The following STK10 variants were observed in gnomAD, a reference collection of about 807,000 sequenced individuals.
STK10 encodes the protein serine/threonine kinase 10, also known as serine/threonine-protein kinase 10.
In STK10, 78 loss-of-function variants were observed where a neutral mutation model predicts 113.8. That is an observed-to-expected ratio of 0.69 (90% confidence interval 0.57 to 0.83). The LOEUF (loss-of-function observed/expected upper bound fraction) is 0.83, where lower values mean the gene tolerates loss of function less well. STK10 is among the 40% of genes least tolerant of loss of function. STK10 has a pLI of 0.00. For missense variants in STK10, 1,109 were observed against 1,280.1 expected, an observed-to-expected ratio of 0.87 and a Z score of 2.04; for synonymous variants, 465 against 494.7, an observed-to-expected ratio of 0.94 and a Z score of 0.80.
At chr5:172,178,131 G>C (rs1404549394) in intron 1 of STK10, among the ~76,000 whole-genome samples, 2 of 152,180 alleles carry the variant, frequency 1.3e-5, no homozygotes, top group Non-Finnish European at 2.9e-5. Context: ...CCCAGCCCAG[G>C]ATCAAATTAT....
At chr5:172,158,001 C>G (rs1485061505) in intron 1 of STK10, among the ~76,000 whole-genome samples, 1 of 152,200 alleles carries the variant, frequency 6.6e-6, no homozygotes, top group Non-Finnish European at 1.5e-5. Context: ...CCACCAGTTA[C>G]AGCGGAACTG....
chr5:172,140,800 A>G (rs1288720625), intron 2 of STK10, among the ~76,000 whole-genome samples: 1 of 152,246 alleles, frequency 6.6e-6, no homozygotes. Flanking sequence ...AGGATCCTGA[A>G]GAGATACCTG....
rs1263802622 is a variant in STK10 at position 172,106,830 on chromosome 5, G to A, written c.594-16C>T. ...GGGGGCCATCCTGAACCAACCAAGG[G>A]ACAACATAGGGCTAAGAATCTGGCC... is the stretch of plus-strand genomic sequence containing the variant. On this transcript the variant is annotated splice_polypyrimidine_tract_variant and intron_variant, in intron 5 of 18. Transcript: ENST00000176763. 2 of 1,610,778 alleles carry A rather than the reference G, an allele frequency of 1.2e-6. No individual in the cohort carries two copies. The highest frequency in any genetic ancestry group is 1.7e-6 in the Non-Finnish European group (2 of 1,177,852).
chr5:172,073,715 G>A (rs995301406), intron 12 of STK10, among the ~76,000 whole-genome samples: 14 of 149,874 alleles, frequency 9.3e-5, no homozygotes, highest in Non-Finnish European at 1.9e-4. Context: ...GGGAGGCTGA[G>A]TTGGGTGGAT....
chr5:172,104,359 C>T (rs993731847), intron 7 of STK10, among the ~76,000 whole-genome samples: 1 of 152,222 alleles, frequency 6.6e-6, no homozygotes, highest in African/African-American at 2.4e-5. Context: ...ACACACCGAC[C>T]TCACCCAGCC....
chr5:172,159,920 A>G (rs1770433629), intron 1 of STK10, among the ~76,000 whole-genome samples: 1 of 147,206 alleles, frequency 6.8e-6, no homozygotes, highest in African/African-American at 2.6e-5. Flanking sequence ...GGCGGATCAC[A>G]AGGTCAGGAG....
chr5:172,101,028 G>A (rs1164192491), intron 7 of STK10, among the ~76,000 whole-genome samples: 1 of 152,146 alleles, frequency 6.6e-6, no homozygotes, highest in East Asian at 1.9e-4. Context: ...ACTGCTGTGT[G>A]CCTCCGTTTT....
intron 5 of STK10, among the ~76,000 whole-genome samples, chr5:172,107,547 T>C (rs1214583959): frequency 6.6e-6 from 1 of 152,254 alleles, no homozygotes; most frequent in Non-Finnish European, 1.5e-5. Context: ...CCATTTCATT[T>C]CATTCTCACA....
chr5:172,083,054 G>C lies in STK10; in HGVS notation c.1716C>G (p.Leu572=), dbSNP rs766848114. The change falls in exon 11 of 19, where the codon CTC becomes CTG. Residue 572 remains leucine (L), a synonymous_variant. Coordinates refer to ENST00000176763, the MANE Select transcript of STK10 (RefSeq NM_005990.4). The stretch of plus-strand genomic sequence containing the variant: ...TCTGGTTCCGATGCTCTTCTTTCTG[G>C]AGCAGCCGAAGCTCTCGGAGTTCCT... ...RRQELRELRL[L]QKEEHRNQTQ... is the part of the protein sequence containing the mutation. 5.0e-6 allele frequency: 8 copies of C among 1,614,106 alleles called. No homozygotes were observed. In the South Asian group the frequency reaches 8.8e-5, roughly 18 times the overall value.
intron 18 of STK10, among the ~76,000 whole-genome samples, chr5:172,052,410 C>T (rs1208549358): frequency 6.6e-6 from 1 of 152,210 alleles, no homozygotes. Context: ...ACGTTGATTG[C>T]AGCCTGGTGA....
chr5:172,066,322 C>CT (rs1326745519), intron 12 of STK10, among the ~76,000 whole-genome samples: 2 of 129,786 alleles, frequency 1.5e-5, no homozygotes, highest in Non-Finnish European at 3.3e-5. Context: ...GATAAGTTTC[C>CT]TATTTTTTTT....
At chr5:172,102,656 G>A (rs1410682470) in intron 7 of STK10, among the ~76,000 whole-genome samples, 1 of 152,144 alleles carries the variant, frequency 6.6e-6, no homozygotes, top group Non-Finnish European at 1.5e-5. Context: ...CTGGGCTGGT[G>A]CTGTTGATGT....
At chr5:172,156,537 GAA>G in intron 2 of STK10, 85 bp downstream of exon 2, 2 of 1,479,846 alleles carry the variant, frequency 1.4e-6, no homozygotes, top group Non-Finnish European at 9.0e-7. Context: ...CAGATGCTGA[GAA>G]AGAGCTGAAG....
At chr5:172,154,179 C>T (rs1407230874) in intron 2 of STK10, among the ~76,000 whole-genome samples, 1 of 152,226 alleles carries the variant, frequency 6.6e-6, no homozygotes, top group Non-Finnish European at 1.5e-5. Context: ...TGCTGGGCCT[C>T]ACCTCAGTTA....
At chr5:172,070,195 C>A (rs2113713753) in intron 12 of STK10, among the ~76,000 whole-genome samples, 1 of 151,874 alleles carries the variant, frequency 6.6e-6, no homozygotes, top group African/African-American at 2.4e-5. Context: ...TTGCAGTGAG[C>A]CGAGATCATG....
chr5:172,095,588 C>T (rs913363949), intron 8 of STK10, among the ~76,000 whole-genome samples: 3 of 152,248 alleles, frequency 2.0e-5, no homozygotes, highest in South Asian at 2.1e-4. Context: ...CCATGCATGG[C>T]GGGGGTGGTT....
At chr5:172,058,890 AAAAAAC>A (rs1431629002) in intron 14 of STK10, among the ~76,000 whole-genome samples, 2 of 151,586 alleles carry the variant, frequency 1.3e-5, no homozygotes, top group Non-Finnish European at 2.9e-5. Flanking sequence ...ACTTGGTCTC[AAAAAAC>A]AAAAACAAAA....
intron 1 of STK10, among the ~76,000 whole-genome samples, chr5:172,168,337 C>T (rs926234508): frequency 1.3e-5 from 2 of 152,190 alleles, no homozygotes; most frequent in Non-Finnish European, 2.9e-5. Context: ...CAGAGAAAAC[C>T]ACGGTCACAG....
intron 1 of STK10, among the ~76,000 whole-genome samples, chr5:172,183,289 T>C (rs1296159466): frequency 2.0e-5 from 3 of 152,180 alleles, no homozygotes; most frequent in Non-Finnish European, 4.4e-5. Flanking sequence ...CCTGTCCACA[T>C]TGTGTGCATG....
Sources: gnomAD v4.1 joint callset for allele counts (sites outside exome capture counted in the v4.1 genomes callset) on GRCh38, gnomAD v4.1.1 for gene constraint, MANE v1.5 for transcripts, NCBI Gene and HGNC (gene_info 2026-07-23, HGNC 2026-07-21) for gene names.